SLCO6A1: variants seen among roughly 807,000 people sequenced by gnomAD.
SLCO6A1 encodes cancer/testis antigen 48.
SLCO6A1 carries 65 observed loss-of-function variants against 72.7 expected under a neutral mutation model. The ratio of observed to expected loss-of-function variants is 0.89; its 90% confidence interval spans 0.73 to 1.10. The LOEUF (loss-of-function observed/expected upper bound fraction) is 1.10. Ranked by LOEUF, SLCO6A1 falls within the 50% of genes least tolerant of loss-of-function variation. The probability of loss-of-function intolerance (pLI) is 0.00; values close to 1 mark genes in which losing one functional copy is unlikely to be tolerated. For synonymous variants in SLCO6A1, 314 were observed against 298.2 expected (o/e 1.05, Z -0.55); for missense variants, 874 against 872.6 (o/e 1.00, Z -0.02).
At chr5:102,486,615 G>T (rs185330421) in intron 1 of SLCO6A1, among the ~76,000 whole-genome samples, 287 of 152,142 alleles carry the variant, frequency 1.9e-3, no homozygotes, top group Non-Finnish European at 3.0e-3. Context: ...ATAAGATGAA[G>T]TATTAATACA....
intron 10 of SLCO6A1, among the ~76,000 whole-genome samples, chr5:102,396,837 T>C (rs957559032): frequency 2.6e-5 from 4 of 152,148 alleles, no homozygotes; most frequent in Admixed American, 6.5e-5. Context: ...CTCTGCAGGG[T>C]CCTGAGGCAG....
chr5:102,374,497 C>T (rs1299485987), intron 12 of SLCO6A1, among the ~76,000 whole-genome samples: 1 of 152,076 alleles, frequency 6.6e-6, no homozygotes, highest in African/African-American at 2.4e-5. Context: ...GCTAGTTTGC[C>T]CAGGCTGGTC....
Position 102,459,795 on chromosome 5 carries a change from G to GAAAA in SLCO6A1, c.900-22_900-19dup. On this transcript the variant is annotated intron_variant, in intron 4 of 13. Coordinates refer to ENST00000506729, the MANE Select transcript of SLCO6A1 (RefSeq NM_173488.5). The stretch of plus-strand genomic sequence containing the variant: ...CTGTAGTGCTTTAATAAAGAAAAGT[G>GAAAA]AAAAAAAAAAGCAACTTTAGGTATT... 7.5e-7 allele frequency: 1 copy of GAAAA among 1,338,702 alleles called. No homozygotes were observed. Among genetic ancestry groups the GAAAA allele is most frequent in the Non-Finnish European group, 9.9e-7 (1 of 1,010,062 alleles). The allele number at this position is 1,338,702 out of a possible 1,614,324, so 82.9% of individuals were successfully genotyped here.
At chr5:102,449,410 A>G (rs534202653) in intron 6 of SLCO6A1, among the ~76,000 whole-genome samples, 32 of 149,806 alleles carry the variant, frequency 2.1e-4, no homozygotes, top group African/African-American at 7.6e-4. Context: ...TTTTTGAGAC[A>G]GAGTCTCGCT....
intron 7 of SLCO6A1, among the ~76,000 whole-genome samples, chr5:102,430,951 T>C (rs1749183723): frequency 6.6e-6 from 1 of 152,062 alleles, no homozygotes; most frequent in Admixed American, 6.6e-5. Context: ...GTAGGCTATT[T>C]ATTGCTATTT....
chr5:102,453,350 A>AAG (rs1750533095), intron 6 of SLCO6A1, among the ~76,000 whole-genome samples: 1 of 151,474 alleles, frequency 6.6e-6, no homozygotes, highest in South Asian at 2.1e-4. Context: ...AAAAAAAAAA[A>AAG]AAAGAAAGAA....
chr5:102,404,884 T>A (rs554255340), intron 9 of SLCO6A1, among the ~76,000 whole-genome samples: 10 of 152,228 alleles, frequency 6.6e-5, no homozygotes, highest in African/African-American at 2.4e-4. Context: ...GAGAAGTAAG[T>A]TCTACATTTG....
chr5:102,459,837 A>T (rs900168539), intron 4 of SLCO6A1, 60 bp from the exon 5 acceptor site: 1 of 1,415,708 alleles, frequency 7.1e-7, no homozygotes, highest in Non-Finnish European at 9.5e-7. Context: ...CAACAAAACC[A>T]TAATCAAACA....
chr5:102,453,680 T>G (rs1174657417), intron 6 of SLCO6A1, among the ~76,000 whole-genome samples: 1 of 152,214 alleles, frequency 6.6e-6, no homozygotes, highest in Non-Finnish European at 1.5e-5. Flanking sequence ...CCTAGGAGTA[T>G]GCAGCCACTG....
intron 6 of SLCO6A1, among the ~76,000 whole-genome samples, chr5:102,457,247 C>T (rs1750771982): frequency 6.7e-6 from 1 of 150,306 alleles, no homozygotes; most frequent in South Asian, 2.1e-4. Context: ...CCAAAATTGA[C>T]AAATGGGATC....
intron 6 of SLCO6A1, among the ~76,000 whole-genome samples, chr5:102,451,190 G>A (rs1294294625): frequency 2.0e-5 from 3 of 152,192 alleles, no homozygotes; most frequent in Non-Finnish European, 4.4e-5. Flanking sequence ...GCTCCCTATC[G>A]AGCCTGAGGG....
chr5:102,498,235 C>T (rs58139210), intron 1 of SLCO6A1, among the ~76,000 whole-genome samples: 13,051 of 152,252 alleles, frequency 0.086, 641 homozygotes, highest in African/African-American at 0.12. Flanking sequence ...CTCTGCGTGC[C>T]TTACTCTTTC....
At chr5:102,414,472 G>A (rs1748161830) in intron 8 of SLCO6A1, among the ~76,000 whole-genome samples, 1 of 152,072 alleles carries the variant, frequency 6.6e-6, no homozygotes, top group Non-Finnish European at 1.5e-5. Context: ...TACAATCTTA[G>A]GCCTAGAAAA....
intron 4 of SLCO6A1, among the ~76,000 whole-genome samples, chr5:102,469,475 A>G (rs1373447414): frequency 6.6e-6 from 1 of 152,058 alleles, no homozygotes; most frequent in Non-Finnish European, 1.5e-5. Context: ...TTATTGGTGT[A>G]TAGGAATGCT....
intron 7 of SLCO6A1, among the ~76,000 whole-genome samples, chr5:102,432,981 TC>T (rs1749301667): frequency 6.6e-6 from 1 of 152,238 alleles, no homozygotes; most frequent in South Asian, 2.1e-4. Flanking sequence ...TTTATTCTTT[TC>T]TCTTTCATGT....
At chr5:102,438,290 T>C (rs1343588873) in intron 7 of SLCO6A1, among the ~76,000 whole-genome samples, 1 of 151,938 alleles carries the variant, frequency 6.6e-6, no homozygotes, top group Non-Finnish European at 1.5e-5. Flanking sequence ...TACATAAATT[T>C]TAGAAATAGG....
At chr5:102,393,585 G>A (rs1275596160) in intron 10 of SLCO6A1, among the ~76,000 whole-genome samples, 1 of 151,990 alleles carries the variant, frequency 6.6e-6, no homozygotes, top group Non-Finnish European at 1.5e-5. Flanking sequence ...TATTTTGTTT[G>A]GAGTATATTT....
chr5:102,378,856 A>G (rs1745954670), intron 12 of SLCO6A1, among the ~76,000 whole-genome samples: 1 of 152,038 alleles, frequency 6.6e-6, no homozygotes, highest in African/African-American at 2.4e-5. Flanking sequence ...ACCTTGGCTC[A>G]CTGCAACCTC....
rs1748504286 is a variant in SLCO6A1 at position 102,419,994 on chromosome 5, A to C, written c.1304T>G (p.Leu435Arg). ...AATGACACCTCCCAGAAGCTGGCCAAGTGCACCTCCTGGAATTAAAACAAG... is the reference window on the plus strand; with the variant it reads ...AATGACACCTCCCAGAAGCTGGCCACGTGCACCTCCTGGAATTAAAACAAG... Reference protein sequence around the residue: ...AGLVLIPGGALGQLLGGVIVS... With the variant: ...AGLVLIPGGARGQLLGGVIVS... Residue 435 changes from leucine (L) to arginine (R), a missense_variant, in exon 8 of 14, where the codon CTT (leucine) becomes CGT (arginine). By Grantham distance (102) the Leu-to-Arg change is moderately radical. Coordinates refer to ENST00000506729, the MANE Select transcript of SLCO6A1 (RefSeq NM_173488.5). 1.3e-6 allele frequency: 2 copies of C among 1,578,684 alleles called. No homozygotes were observed. The highest frequency in any genetic ancestry group is 1.7e-6 in the Non-Finnish European group (2 of 1,170,362).
Sources: gnomAD v4.1 joint callset for allele counts (sites outside exome capture counted in the v4.1 genomes callset) on GRCh38, gnomAD v4.1.1 for gene constraint, MANE v1.5 for transcripts, NCBI Gene and HGNC (gene_info 2026-07-23, HGNC 2026-07-21) for gene names.